Variants in DNAH9 observed in about 807,000 individuals in gnomAD.
DNAH9 encodes DNAH9 variant protein.
DNAH9 carries 345 observed loss-of-function variants against 471.6 expected under a neutral mutation model. The ratio of observed to expected loss-of-function variants is 0.73; its 90% CI spans 0.67 to 0.80. The LOEUF (loss-of-function observed/expected upper bound fraction) is 0.80, where lower values mean the gene tolerates loss of function less well. Ranked by LOEUF, DNAH9 falls within the 30% of genes least tolerant of loss-of-function variation. The probability of loss-of-function intolerance (pLI) is 0.00; values close to 1 mark genes in which losing one functional copy is unlikely to be tolerated. For missense variants in DNAH9, 5,407 were observed against 5,609.2 expected (o/e 0.96, Z 1.15); for synonymous variants, 2,093 against 2,123.6 (o/e 0.99, Z 0.40).
At position 11,673,892 on chromosome 17, in the gene DNAH9, G is replaced by A. The variant is rs112578838; in HGVS notation, c.3353+4098G>A. ...TATACACATGTGTATGCATATGGAT[G>A]TATACATATGTATATGCATACATAC... On this transcript the variant is annotated intron_variant, in intron 17 of 68. Transcript: ENST00000262442. 3.3e-5 allele frequency among the ~76,000 whole-genome samples: 5 copies of A among 152,166 alleles called. 1 individual carries two copies. Among genetic ancestry groups the A allele is most frequent in the African/African-American group, 1.2e-4 (5 of 41,512 alleles).
chr17:11,769,053 G>C (rs1968089029), intron 37 of DNAH9, 69 bp from the exon 38 acceptor site: 1 of 1,541,930 alleles, frequency 6.5e-7, no homozygotes, highest in Admixed American at 1.7e-5. Flanking sequence ...AAATGCTTCG[G>C]AACGCCGCTG....
In DNAH9 at chr17:11,781,025, T is replaced by C; in HGVS notation, c.7569T>C (p.Pro2523=). The C allele has an allele frequency of 6.2e-7, 1 of 1,614,026 alleles. No homozygotes were observed. Among genetic ancestry groups the C allele is most frequent in the Admixed American group, 1.7e-5 (1 of 60,002 alleles). ...SAMLQAVLEK[P]LEKKAGRNYG... is the part of the protein sequence containing the mutation. ...TCTCCCCAGCTGTCCTGGAGAAGCC[T>C]CTGGAAAAGAAGGCTGGCAGAAACT... The change falls in exon 39 of 69, where the codon CCT becomes CCC. Residue 2523 remains proline, a synonymous_variant. Transcript: ENST00000262442.
chr17:11,951,611 C>A (rs1472265497), intron 67 of DNAH9, among the ~76,000 whole-genome samples: 1 of 151,606 alleles, frequency 6.6e-6, no homozygotes, highest in African/African-American at 2.4e-5. Flanking sequence ...CATAGTGAGA[C>A]CCTATCTTGA....
At chr17:11,875,316 C>T (rs536933094) in intron 53 of DNAH9, 132 bp downstream of exon 53, 52 of 713,066 alleles carry the variant, frequency 7.3e-5, no homozygotes, top group South Asian at 2.3e-4. Flanking sequence ...CACGTTTCTC[C>T]GTCCATTTTA....
At chr17:11,683,523 G>C (rs1467613352) in intron 19 of DNAH9, among the ~76,000 whole-genome samples, 1 of 152,118 alleles carries the variant, frequency 6.6e-6, no homozygotes, top group Non-Finnish European at 1.5e-5. Context: ...AAGATGTTGG[G>C]GAAAATATCC....
chr17:11,952,588 A>G (rs1469482280), intron 67 of DNAH9, among the ~76,000 whole-genome samples: 2 of 152,166 alleles, frequency 1.3e-5, no homozygotes, highest in Non-Finnish European at 2.9e-5. Flanking sequence ...GCCAAGGACA[A>G]TGGATAAGGA....
intron 61 of DNAH9, among the ~76,000 whole-genome samples, chr17:11,911,765 G>A (rs1350478062): frequency 6.6e-6 from 1 of 152,064 alleles, no homozygotes; most frequent in Non-Finnish European, 1.5e-5. Context: ...TTTTAACTAT[G>A]TTTTGTTGTT....
chr17:11,957,507 G>T (rs1975707381), intron 67 of DNAH9, among the ~76,000 whole-genome samples: 1 of 149,944 alleles, frequency 6.7e-6, no homozygotes, highest in Non-Finnish European at 1.5e-5. Context: ...CAGGACCCAA[G>T]AAGGGACATG....
rs578202821 is a variant in DNAH9 at position 11,934,138 on chromosome 17, G to A, written c.12489+67G>A. The A allele has an allele frequency of 3.3e-4, 504 of 1,521,048 alleles. 2 individuals are homozygous for A. In the Middle Eastern group the frequency reaches 4.9e-3, roughly 15 times the overall value. 94.2% of individuals were successfully genotyped at this position (1,521,048 alleles called of 1,614,324 possible). A position where few individuals can be genotyped will look rare whatever the true frequency, so the allele number is the denominator to read the frequency against. On this transcript the variant is annotated intron_variant, in intron 65 of 68. Transcript: ENST00000262442. The stretch of plus-strand genomic sequence containing the variant: ...ACAGGGCCCTGGGTATTCCTCCCAC[G>A]CCGACCTGCACCACCAGGGAAGCCT...
At chr17:11,660,890 A>G (rs572556504) in intron 14 of DNAH9, among the ~76,000 whole-genome samples, 1 of 152,206 alleles carries the variant, frequency 6.6e-6, no homozygotes, top group South Asian at 2.1e-4. Flanking sequence ...CTATAAATAT[A>G]AATTAGTTCA....
chr17:11,768,718 A>T (rs1968074073), intron 37 of DNAH9, 92 bp downstream of exon 37: 2 of 1,471,566 alleles, frequency 1.4e-6, no homozygotes, highest in Admixed American at 3.8e-5. Flanking sequence ...CTATCTGAGC[A>T]TTTGTCCTTG....
chr17:11,686,736 T>A (rs1419814688), intron 19 of DNAH9, among the ~76,000 whole-genome samples: 2 of 152,218 alleles, frequency 1.3e-5, no homozygotes, highest in Non-Finnish European at 2.9e-5. Context: ...CAACATCGAT[T>A]TAAGAATGCT....
chr17:11,689,784 C>T lies in DNAH9; in HGVS notation c.3962C>T (p.Thr1321Ile). The change falls in exon 20 of 69, where the codon ACC becomes ATC. Residue 1321 changes from threonine to isoleucine, a missense_variant. Transcript: ENST00000262442. ...MVTSSIHAWE[T>I]TPWRNINVEA... ...ACCTCCAGCATCCATGCCTGGGAGA[C>T]CACACCCTGGAGGAATATCAACGTG... is the stretch of plus-strand genomic sequence containing the variant. 6.2e-7 allele frequency: 1 copy of T among 1,614,192 alleles called. No individual in the cohort carries two copies. The highest frequency in any genetic ancestry group is 8.5e-7 in the Non-Finnish European group (1 of 1,180,038).
intron 9 of DNAH9, among the ~76,000 whole-genome samples, chr17:11,639,939 G>A (rs1435112698): frequency 3.9e-5 from 6 of 152,182 alleles, no homozygotes; most frequent in South Asian, 4.1e-4. Context: ...GGAGGCAGAG[G>A]TTGTAGTGAG....
intron 14 of DNAH9, among the ~76,000 whole-genome samples, chr17:11,660,475 A>G (rs888616797): frequency 2.0e-5 from 3 of 152,010 alleles, no homozygotes; most frequent in African/African-American, 7.2e-5. Context: ...GGGATGTGCC[A>G]CCATACCCAG....
Position 11,693,992 on chromosome 17 carries a change from A to G in DNAH9, c.4739A>G (p.Gln1580Arg). The part of the protein sequence containing the change: ...PGLYEKLEDI[Q>R]GRLCLCEKAL... ...CTGTATGAAAAGCTGGAGGATATTC[A>G]GGGCAGGTGAGGGTCCGCCCATTAC... is the stretch of plus-strand genomic sequence containing the variant. Residue 1580 changes from glutamine (Q) to arginine (R), a missense_variant, in exon 21 of 69, where the codon CAG becomes CGG. Transcript: ENST00000262442. 1 of 1,613,864 alleles carries G rather than the reference A, an allele frequency of 6.2e-7. No homozygotes were observed. The highest frequency in any genetic ancestry group is 8.5e-7 in the Non-Finnish European group (1 of 1,179,946).
chr17:11,833,641 G>C (rs896187899), intron 48 of DNAH9, among the ~76,000 whole-genome samples: 1 of 152,172 alleles, frequency 6.6e-6, no homozygotes, highest in Non-Finnish European at 1.5e-5. Flanking sequence ...ACTTGCTATA[G>C]GGGTTTTTGT....
At chr17:11,904,630 CAAAAAAAAA>C (rs202059757) in intron 60 of DNAH9, among the ~76,000 whole-genome samples, 4 of 111,464 alleles carry the variant, frequency 3.6e-5, no homozygotes, top group East Asian at 6.3e-4. Context: ...GACTCCATCT[CAAAAAAAAA>C]AAAAAAAAAA....
intron 6 of DNAH9, among the ~76,000 whole-genome samples, chr17:11,628,404 G>C (rs1567675145): frequency 6.6e-6 from 1 of 152,228 alleles, no homozygotes. Context: ...TACTGTGTGT[G>C]CAGGCCTGGC....
Sources: gnomAD v4.1 joint callset for allele counts (sites outside exome capture counted in the v4.1 genomes callset) on GRCh38, gnomAD v4.1.1 for gene constraint, MANE v1.5 for transcripts, NCBI Gene and HGNC (gene_info 2026-07-23, HGNC 2026-07-21) for gene names.